GRIK3: variants seen among roughly 807,000 people sequenced by gnomAD.
GRIK3 encodes glutamate receptor ionotropic, kainate 3.
A neutral mutation model predicts 102.5 loss-of-function variants in GRIK3; 29 were observed. The observed-to-expected ratio is 0.28, with a 90% CI of 0.21 to 0.39. GRIK3 has a LOEUF of 0.39. Ranked by LOEUF, GRIK3 falls within the 10% of genes least tolerant of loss-of-function variation. The pLI is 1.00. For missense variants in GRIK3, 908 were observed against 1,252.4 expected (o/e 0.73, Z 4.15); for synonymous variants, 511 against 504.9 (o/e 1.01, Z -0.16).
chr1:36,951,688 G>T (rs1641846010), intron 1 of GRIK3, among the ~76,000 whole-genome samples: 1 of 152,180 alleles, frequency 6.6e-6, no homozygotes, highest in South Asian at 2.1e-4. Flanking sequence ...GGGCAGGGCA[G>T]CAGGAAAATA....
rs147443083 is a variant in GRIK3, at chr1:36,958,267, G to A, written c.116-67171C>T. 7.5e-4 allele frequency among the ~76,000 whole-genome samples: 63 copies of A among 83,842 alleles called. 1 individual carries two copies. The East Asian group carries it at 0.023, about 31-fold the overall frequency. The allele number at this position is 83,842 out of a possible 152,430, so 55.0% of individuals were successfully genotyped here. ...TGTGTGTCCCATGACTCTGTGCCCC[G>A]TGAGTCTGTGTGCCCCATGACTCTG... On this transcript the variant is annotated intron_variant, in intron 1 of 15. Transcript: ENST00000373091.
intron 1 of GRIK3, among the ~76,000 whole-genome samples, chr1:36,944,602 T>C (rs1299476237): frequency 2.6e-5 from 4 of 152,036 alleles, no homozygotes; most frequent in Non-Finnish European, 5.9e-5. Context: ...CCTTGGAGAC[T>C]TGGGGTAAGG....
At chr1:36,833,245 T>A (rs1640331723) in intron 10 of GRIK3, among the ~76,000 whole-genome samples, 1 of 152,198 alleles carries the variant, frequency 6.6e-6, no homozygotes, top group Admixed American at 6.5e-5. Context: ...CCAGTTCACC[T>A]GATCCTGTCC....
In GRIK3 at chr1:36,806,195, G is replaced by C. The variant is rs774764725; in HGVS notation, c.2223C>G (p.Thr741=). The C allele has an allele frequency of 6.2e-7, 1 of 1,614,154 alleles. No individual in the cohort carries two copies. Among genetic ancestry groups the C allele is most frequent in the Non-Finnish European group, 8.5e-7 (1 of 1,179,998 alleles). Reference sequence around the variant, plus strand: ...TCCTCTGCGTGACGTACTCGATGGTGGTGGACTCCATGAGCAGCGCGTAGT... The same window carrying C: ...TCCTCTGCGTGACGTACTCGATGGTCGTGGACTCCATGAGCAGCGCGTAGT... The part of the protein sequence containing the change: ...TADYALLMES[T]TIEYVTQRNC... Residue 741 remains threonine (T), a synonymous_variant, in exon 14 of 16, where the codon ACC becomes ACG. Transcript: ENST00000373091. The surrounding 1 kb of genome is among the most constrained non-coding windows in gnomAD (Gnocchi z 4.0).
intron 1 of GRIK3, among the ~76,000 whole-genome samples, chr1:37,023,051 G>A (rs1364855023): frequency 1.3e-5 from 2 of 152,148 alleles, no homozygotes; most frequent in African/African-American, 4.8e-5. Flanking sequence ...AGTGCCGGCC[G>A]GGTGCAGTGG....
At chr1:36,820,473 T>C (rs1198982537) in intron 11 of GRIK3, among the ~76,000 whole-genome samples, 1 of 152,252 alleles carries the variant, frequency 6.6e-6, no homozygotes, top group East Asian at 1.9e-4. Context: ...TATACTCATA[T>C]GCAAATGCAT....
chr1:36,905,434 G>T (rs1462347304), intron 1 of GRIK3, among the ~76,000 whole-genome samples: 1 of 150,586 alleles, frequency 6.6e-6, no homozygotes, highest in Non-Finnish European at 1.5e-5. Context: ...GATTGCTCTT[G>T]CTTGGTGCTT....
intron 11 of GRIK3, among the ~76,000 whole-genome samples, chr1:36,824,360 C>T (rs1642730393): frequency 6.6e-6 from 1 of 152,316 alleles, no homozygotes; most frequent in Non-Finnish European, 1.5e-5. Context: ...CCATTAGAGA[C>T]AAGAGGCATA....
Position 36,880,601 on chromosome 1 carries a change from T to C in GRIK3, c.550+33A>G. 6.2e-7 allele frequency: 1 copy of C among 1,607,548 alleles called. No homozygotes were observed. The highest frequency in any genetic ancestry group is 1.1e-5 in the South Asian group (1 of 90,712). On this transcript the variant is annotated intron_variant, in intron 3 of 15. Transcript: ENST00000373091. This position sits in a 1 kb window ranked among gnomAD's most constrained non-coding sequence, Gnocchi z 5.4. ...CCTGGGCCTCTGCCCCCCTCAACCG[T>C]TGCCCCCAGCCTAGCCAGGCCTGGC...
rs1439938395 is a variant in GRIK3 at position 37,034,068 on chromosome 1, T to C, written c.41A>G (p.Glu14Gly). Reference sequence around the variant, plus strand: ...GCACACGAGGAGCCCGGCCCAGTATTCCCAAACCAGACTCCGGAGGCGCCG... The same window carrying C: ...GCACACGAGGAGCCCGGCCCAGTATCCCCAAACCAGACTCCGGAGGCGCCG... ...PWRRLRSLVW[E>G]YWAGLLVCAF... is the part of the protein sequence containing the mutation. Residue 14 changes from glutamate to glycine, a missense_variant, in exon 1 of 16, where the codon GAA becomes GGA. Physicochemically the swap from Glu to Gly is moderately conservative, Grantham distance 98. This residue lies in a region of GRIK3 where 585 missense variants were observed against 824.9 expected (regional missense o/e 0.71). Transcript: ENST00000373091. The C allele has an allele frequency of 1.9e-6, 3 of 1,599,996 alleles. No individual in the cohort carries two copies. The Admixed American group carries it at 5.1e-5, about 27-fold the overall frequency.
intron 1 of GRIK3, among the ~76,000 whole-genome samples, chr1:36,960,090 T>C (rs1290353874): frequency 1.6e-5 from 2 of 128,316 alleles, no homozygotes; most frequent in African/African-American, 2.8e-5. Flanking sequence ...CATGACTCTG[T>C]GCCCCATAAG....
At chr1:36,950,722 T>C (rs1641835484) in intron 1 of GRIK3, among the ~76,000 whole-genome samples, 1 of 152,268 alleles carries the variant, frequency 6.6e-6, no homozygotes, top group Non-Finnish European at 1.5e-5. Flanking sequence ...GTTTGTTTAT[T>C]CTTAGAAACT....
chr1:36,982,293 T>G (rs12121160), intron 1 of GRIK3, among the ~76,000 whole-genome samples: 21,179 of 152,196 alleles, frequency 0.14, 2,012 homozygotes, highest in African/African-American at 0.27. Flanking sequence ...GCTGTGGCTG[T>G]GGTCCTCAGG....
At chr1:36,855,343 TCA>T (rs997208555) in intron 7 of GRIK3, among the ~76,000 whole-genome samples, 9 of 152,106 alleles carry the variant, frequency 5.9e-5, no homozygotes, top group Non-Finnish European at 1.2e-4. Context: ...ATGCATACAC[TCA>T]CAGTTCAACC....
At chr1:36,931,872 T>C (rs1198301441) in intron 1 of GRIK3, among the ~76,000 whole-genome samples, 1 of 152,190 alleles carries the variant, frequency 6.6e-6, no homozygotes, top group Non-Finnish European at 1.5e-5. Flanking sequence ...CTTGTCAGCC[T>C]CTGTTTCTCC....
intron 7 of GRIK3, among the ~76,000 whole-genome samples, chr1:36,858,229 C>T (rs1440125942): frequency 6.6e-6 from 1 of 152,216 alleles, no homozygotes; most frequent in African/African-American, 2.4e-5. Flanking sequence ...GGGTTAGGTG[C>T]TTTGCACATA....
chr1:36,931,406 G>A (rs1641586631), intron 1 of GRIK3, among the ~76,000 whole-genome samples: 1 of 152,038 alleles, frequency 6.6e-6, no homozygotes, highest in Non-Finnish European at 1.5e-5. Flanking sequence ...CTTTTTCTGA[G>A]GTTTCATCAC....
At chr1:36,826,538 C>T (rs186285001) in intron 10 of GRIK3, among the ~76,000 whole-genome samples, 18 of 152,132 alleles carry the variant, frequency 1.2e-4, no homozygotes, top group African/African-American at 2.6e-4. Flanking sequence ...TACAGTGGCA[C>T]GTGCCTGTAG....
intron 5 of GRIK3, among the ~76,000 whole-genome samples, chr1:36,867,614 G>GA (rs1384946704): frequency 1.2e-4 from 19 of 152,074 alleles, no homozygotes; most frequent in African/African-American, 4.6e-4. Context: ...AGGCACTTGG[G>GA]TGGGAGGGGT....
Sources: allele counts gnomAD v4.1 joint callset (sites outside exome capture counted in the v4.1 genomes callset), GRCh38; gene constraint gnomAD v4.1.1; regional missense constraint gnomAD v4.1.1; non-coding constraint Gnocchi (gnomAD v3.1); transcripts MANE v1.5; gene names NCBI Gene and HGNC (gene_info 2026-07-23, HGNC 2026-07-21).